The following SOS1 variants were observed in gnomAD, a reference collection of about 807,000 sequenced individuals.
SOS1 encodes the protein son of sevenless homolog 1.
SOS1 carries 25 observed loss-of-function variants against 157.6 expected under a neutral mutation model. The ratio of observed to expected loss-of-function variants is 0.16; its 90% CI spans 0.12 to 0.22. The LOEUF (loss-of-function observed/expected upper bound fraction) is 0.22, where lower values mean the gene tolerates loss of function less well. Among genes scored for constraint, SOS1 ranks in the 10% least tolerant of loss-of-function variants. The pLI is 1.00. For synonymous variants in SOS1, 528 were observed against 534.0 expected, an observed-to-expected ratio of 0.99 and a Z score of 0.16; for missense variants, 1,237 against 1,599.1, an observed-to-expected ratio of 0.77 and a Z score of 3.86.
intron 19 of SOS1, among the ~76,000 whole-genome samples, 197 bp downstream of exon 19, chr2:38,996,725 G>C (rs1485251527): frequency 6.6e-6 from 1 of 152,000 alleles, no homozygotes; most frequent in Non-Finnish European, 1.5e-5. Flanking sequence ...CATCATCTTT[G>C]ATATCAGGAT....
At chr2:39,109,493 T>C (rs1430837804) in intron 1 of SOS1, among the ~76,000 whole-genome samples, 1 of 152,206 alleles carries the variant, frequency 6.6e-6, no homozygotes, top group African/African-American at 2.4e-5. Context: ...CCCTGTCCAT[T>C]CAGCCTCCCC....
chr2:39,029,936 G>A (rs1320165133), intron 8 of SOS1, among the ~76,000 whole-genome samples: 2 of 152,106 alleles, frequency 1.3e-5, no homozygotes, highest in African/African-American at 2.4e-5. Context: ...GGAGGTCTAG[G>A]TGGGAGAAGC....
At chr2:39,076,919 T>C (rs1041300760) in intron 1 of SOS1, among the ~76,000 whole-genome samples, 5 of 152,282 alleles carry the variant, frequency 3.3e-5, no homozygotes, top group African/African-American at 1.2e-4. Flanking sequence ...TTTAGTAAAA[T>C]TGTTGAAATA....
At chr2:39,041,368 A>T (rs1261531732) in intron 6 of SOS1, among the ~76,000 whole-genome samples, 1 of 152,188 alleles carries the variant, frequency 6.6e-6, no homozygotes, top group Non-Finnish European at 1.5e-5. Flanking sequence ...TTGGAGAAAT[A>T]TCTATTCAAA....
intron 1 of SOS1, among the ~76,000 whole-genome samples, chr2:39,117,135 TC>T (rs982221187): frequency 3.3e-5 from 5 of 151,894 alleles, no homozygotes; most frequent in Non-Finnish European, 5.9e-5. Context: ...TTCAAGCTAT[TC>T]TCCTGCCTCA....
chr2:39,003,073 A>AAACCAAACAAAC (rs1553352679), intron 17 of SOS1, among the ~76,000 whole-genome samples: 3 of 148,072 alleles, frequency 2.0e-5, no homozygotes, highest in Admixed American at 6.7e-5. Context: ...TATCAAAAAA[A>AAACCAAACAAAC]AAAAAGAACG....
At chr2:39,095,672 T>C (rs1036379218) in intron 1 of SOS1, among the ~76,000 whole-genome samples, 1 of 152,216 alleles carries the variant, frequency 6.6e-6, no homozygotes, top group African/African-American at 2.4e-5. Context: ...TTAATAGGAG[T>C]ACTTGCTTCT....
At position 39,004,406 on chromosome 2, in the gene SOS1, C is replaced by CAAAA. The variant is rs60882005; in HGVS notation, c.2791+2002_2791+2005dup. On this transcript the variant is annotated intron_variant, in intron 17 of 22. Transcript: ENST00000402219. The stretch of plus-strand genomic sequence containing the variant: ...TGGGTGACAGAGCAAGACTCTGTGT[C>CAAAA]AAAAAAAAAAAAAAAAAAAAAAGGA... Among the ~76,000 whole-genome samples the CAAAA allele has an allele frequency of 8.4e-3, 559 of 66,478 alleles. 42 individuals are homozygous for CAAAA. The highest frequency in any genetic ancestry group is 0.038 in the African/African-American group (531 of 13,962). The allele number at this position is 66,478 out of a possible 152,430, so 43.6% of individuals were successfully genotyped here.
intron 1 of SOS1, among the ~76,000 whole-genome samples, chr2:39,069,100 C>CT (rs1238479137): frequency 6.8e-6 from 1 of 147,528 alleles, no homozygotes; most frequent in Admixed American, 7.1e-5. Context: ...AATCCTAACA[C>CT]TTTGAGAGGC....
chr2:39,076,686 TAATC>T (rs1672011030), intron 1 of SOS1, among the ~76,000 whole-genome samples: 1 of 152,052 alleles, frequency 6.6e-6, no homozygotes, highest in Non-Finnish European at 1.5e-5. Context: ...ACAAAAATCA[TAATC>T]AATAGTGCAA....
rs116710524 is a variant in SOS1, at chr2:39,038,372, G to A, written c.865-2872C>T. Reference sequence around the variant, plus strand: ...AGGATTAGAAGTGGAGCCTGATGATGTGACTTGAATTGCTGCAAGTTTATG... The same window carrying A: ...AGGATTAGAAGTGGAGCCTGATGATATGACTTGAATTGCTGCAAGTTTATG... On this transcript the variant is annotated intron_variant, in intron 6 of 22. Coordinates refer to ENST00000402219, the MANE Select transcript of SOS1 (RefSeq NM_005633.4). 1.8e-3 allele frequency among the ~76,000 whole-genome samples: 274 copies of A among 152,278 alleles called. 1 individual carries two copies. The highest frequency in any genetic ancestry group is 3.4e-3 in the Non-Finnish European group (231 of 68,014).
chr2:39,108,410 C>T (rs1251766063), intron 1 of SOS1, among the ~76,000 whole-genome samples: 1 of 152,232 alleles, frequency 6.6e-6, no homozygotes, highest in East Asian at 1.9e-4. Flanking sequence ...ATTTGATTCA[C>T]ACGATCTGGC....
At chr2:39,005,043 C>A (rs1669238521) in intron 17 of SOS1, among the ~76,000 whole-genome samples, 1 of 152,154 alleles carries the variant, frequency 6.6e-6, no homozygotes, top group Non-Finnish European at 1.5e-5. Flanking sequence ...CCTCCCTTAT[C>A]CAAAGGTGAT....
intron 20 of SOS1, among the ~76,000 whole-genome samples, chr2:38,992,001 C>G (rs1398902251): frequency 6.6e-6 from 1 of 152,066 alleles, no homozygotes; most frequent in Admixed American, 6.6e-5. Flanking sequence ...TTTTGAAAAA[C>G]TTAAACAATG....
At chr2:39,092,621 C>T (rs1188473469) in intron 1 of SOS1, among the ~76,000 whole-genome samples, 26 of 152,128 alleles carry the variant, frequency 1.7e-4, no homozygotes, top group Admixed American at 1.5e-3. Flanking sequence ...TCTCATCACC[C>T]GATTTCTCCT....
Position 39,054,727 on chromosome 2 carries a change from C to T in SOS1, c.607G>A (p.Asp203Asn). Residue 203 changes from aspartate (D) to asparagine (N), a missense_variant, in exon 5 of 23, where the codon GAT becomes AAT. This residue lies in a region of SOS1 where 108 missense variants were observed against 115.3 expected (regional missense o/e 0.94). Coordinates refer to ENST00000402219, the MANE Select transcript of SOS1 (RefSeq NM_005633.4). ...PSTSGEQTYYDLVKAFMAEIR... is the reference protein window; with the variant it reads ...PSTSGEQTYYNLVKAFMAEIR... ...TCTGCCATAAATGCTTTTACCAAAT[C>T]ATAGTAAGTTTGTTCTCCTGAGGTG... 1 of 1,595,704 alleles carries T rather than the reference C, an allele frequency of 6.3e-7. No individual in the cohort carries two copies. The highest frequency in any genetic ancestry group is 8.6e-7 in the Non-Finnish European group (1 of 1,163,354).
At chr2:39,041,686 G>A (rs992151986) in intron 6 of SOS1, among the ~76,000 whole-genome samples, 9 of 151,916 alleles carry the variant, frequency 5.9e-5, no homozygotes, top group Non-Finnish European at 1.3e-4. Flanking sequence ...GTTAATTTTC[G>A]GATATGGTAC....
chr2:39,077,763 G>T (rs1477821315), intron 1 of SOS1, among the ~76,000 whole-genome samples: 77 of 152,204 alleles, frequency 5.1e-4, no homozygotes, highest in Admixed American at 5.0e-3. Flanking sequence ...CTAGGACATT[G>T]GCAAATTATT....
chr2:39,122,834 G>A (rs1417109823), upstream of SOS1, among the ~76,000 whole-genome samples: 1 of 151,906 alleles, frequency 6.6e-6, no homozygotes, highest in Non-Finnish European at 1.5e-5. Context: ...CTGAGCCACC[G>A]CGCCCGGTCA....
Sources: gnomAD v4.1 joint callset for allele counts (sites outside exome capture counted in the v4.1 genomes callset) on GRCh38, gnomAD v4.1.1 for gene constraint, gnomAD v4.1.1 regional missense constraint, MANE v1.5 for transcripts, NCBI Gene and HGNC (gene_info 2026-07-23, HGNC 2026-07-21) for gene names.